Variants in FARP1 observed in about 807,000 individuals in gnomAD.
FARP1 encodes the protein FERM, ARH/RhoGEF and pleckstrin domain protein 1, also known as FERM, ARHGEF and pleckstrin domain-containing protein 1.
FARP1 carries 52 observed loss-of-function variants against 128.8 expected under a neutral mutation model. The ratio of observed to expected loss-of-function variants is 0.40; its 90% CI spans 0.32 to 0.51. The LOEUF (loss-of-function observed/expected upper bound fraction) is 0.51. Ranked by LOEUF, FARP1 falls within the 20% of genes least tolerant of loss-of-function variation. The pLI is 0.45. For missense variants in FARP1, 1,333 were observed against 1,367.9 expected, an observed-to-expected ratio of 0.97 and a Z score of 0.40; for synonymous variants, 580 against 551.8, an observed-to-expected ratio of 1.05 and a Z score of -0.72.
At chr13:98,390,652 C>G (rs1594479747) in intron 10 of FARP1, 160 bp from the exon 11 acceptor site, 1 of 571,910 alleles carries the variant, frequency 1.7e-6, no homozygotes, top group South Asian at 2.6e-5. Flanking sequence ...CCCAAAAATA[C>G]AGAGTCTGTC....
intron 2 of FARP1, among the ~76,000 whole-genome samples, chr13:98,307,079 C>A (rs1352119174): frequency 6.6e-6 from 1 of 152,186 alleles, no homozygotes; most frequent in Non-Finnish European, 1.5e-5. Flanking sequence ...GTACAAATGA[C>A]AGGACAGAGA....
At chr13:98,206,177 T>TTGTGTGTG (rs3138577) in intron 1 of FARP1, among the ~76,000 whole-genome samples, 5 of 146,462 alleles carry the variant, frequency 3.4e-5, no homozygotes, top group African/African-American at 1.3e-4. Context: ...TGACTTGAGG[T>TTGTGTGTG]TGTGTGTGTG....
rs544765500 is a variant in FARP1, at chr13:98,269,880, C to T, written c.171+56467C>T. Among the ~76,000 whole-genome samples the T allele has an allele frequency of 5.9e-5, 9 of 152,226 alleles. No homozygotes were observed. In the South Asian group the frequency reaches 6.2e-4, roughly 11 times the overall value. On this transcript the variant is annotated intron_variant, in intron 2 of 26. Coordinates refer to ENST00000319562, the MANE Select transcript of FARP1 (RefSeq NM_005766.4). ...CCTGTAATTCCAGCACTTTGGAAGG[C>T]CGAGGTGGGTGGATCACTTTGAGTT...
At chr13:98,212,211 A>G (rs369348383) in intron 1 of FARP1, among the ~76,000 whole-genome samples, 1 of 152,144 alleles carries the variant, frequency 6.6e-6, no homozygotes, top group Non-Finnish European at 1.5e-5. Flanking sequence ...ACATGCCACC[A>G]CACCTGGCTA....
chr13:98,334,911 C>T (rs1352962358), intron 2 of FARP1, among the ~76,000 whole-genome samples: 2 of 152,182 alleles, frequency 1.3e-5, no homozygotes, highest in Non-Finnish European at 2.9e-5. Context: ...GTGAAAACAT[C>T]AATTTCTATT....
At chr13:98,344,087 A>G (rs1235067155) in intron 3 of FARP1, among the ~76,000 whole-genome samples, 1 of 152,232 alleles carries the variant, frequency 6.6e-6, no homozygotes, top group Non-Finnish European at 1.5e-5. Context: ...AGGGCTATGT[A>G]TCGGCCCTCA....
chr13:98,277,762 G>A (rs1246261208), intron 2 of FARP1, among the ~76,000 whole-genome samples: 2 of 152,190 alleles, frequency 1.3e-5, no homozygotes, highest in Non-Finnish European at 2.9e-5. Context: ...AGTTCATTGA[G>A]AGCACTGGTT....
intron 2 of FARP1, among the ~76,000 whole-genome samples, chr13:98,339,646 A>G (rs1439978783): frequency 6.6e-6 from 1 of 152,214 alleles, no homozygotes; most frequent in Admixed American, 6.5e-5. Flanking sequence ...ATGGACATCT[A>G]TTTTACAGAT....
chr13:98,290,821 C>T (rs1885415464), intron 2 of FARP1, among the ~76,000 whole-genome samples: 2 of 152,082 alleles, frequency 1.3e-5, no homozygotes, highest in South Asian at 2.1e-4. Context: ...ATGGATGACT[C>T]CAAGGTTTTT....
intron 2 of FARP1, among the ~76,000 whole-genome samples, chr13:98,276,924 T>G (rs1884681476): frequency 6.6e-6 from 1 of 152,192 alleles, no homozygotes; most frequent in Non-Finnish European, 1.5e-5. Flanking sequence ...GCTGTTCATA[T>G]ACAGGATTAT....
intron 15 of FARP1, among the ~76,000 whole-genome samples, chr13:98,411,429 C>T (rs1472098858): frequency 6.6e-6 from 1 of 152,130 alleles, no homozygotes; most frequent in Non-Finnish European, 1.5e-5. Context: ...CGTTGTGAAC[C>T]CAGCTCACCT....
At chr13:98,238,258 C>G (rs1882552102) in intron 2 of FARP1, among the ~76,000 whole-genome samples, 1 of 152,182 alleles carries the variant, frequency 6.6e-6, no homozygotes, top group African/African-American at 2.4e-5. Context: ...CTTGAGACAG[C>G]AAGACCAACC....
intron 19 of FARP1, among the ~76,000 whole-genome samples, chr13:98,437,449 G>C (rs1252173303): frequency 6.7e-6 from 1 of 148,182 alleles, no homozygotes; most frequent in African/African-American, 2.6e-5. Context: ...TCGAGAAGTA[G>C]GAAAATACAT....
chr13:98,386,195 T>C (rs1566942033), intron 8 of FARP1, among the ~76,000 whole-genome samples: 1 of 151,328 alleles, frequency 6.6e-6, no homozygotes, highest in African/African-American at 2.4e-5. Flanking sequence ...TCCTTTTTTT[T>C]TTTTTTTTTT....
At chr13:98,380,578 C>G (rs1255035101) in intron 6 of FARP1, among the ~76,000 whole-genome samples, 1 of 151,674 alleles carries the variant, frequency 6.6e-6, no homozygotes, top group Non-Finnish European at 1.5e-5. Flanking sequence ...ATAAATATAT[C>G]CCCCCCAAAA....
At chr13:98,436,993 G>A (rs189366789) in intron 19 of FARP1, among the ~76,000 whole-genome samples, 7 of 152,298 alleles carry the variant, frequency 4.6e-5, no homozygotes, top group Admixed American at 6.5e-5. Flanking sequence ...TCAAAGTCTC[G>A]CTCTACCAGT....
chr13:98,303,957 A>G (rs926330809), intron 2 of FARP1, among the ~76,000 whole-genome samples: 1 of 152,184 alleles, frequency 6.6e-6, no homozygotes, highest in African/African-American at 2.4e-5. Flanking sequence ...TTCACTCGTT[A>G]CTTGACCGAA....
intron 1 of FARP1, among the ~76,000 whole-genome samples, chr13:98,152,655 G>A (rs1172377095): frequency 1.1e-4 from 16 of 152,212 alleles, no homozygotes; most frequent in Admixed American, 7.2e-4. Flanking sequence ...TGGGGTTTTC[G>A]GTTATTGCCA....
At chr13:98,436,325 A>T (rs773586101) in intron 19 of FARP1, among the ~76,000 whole-genome samples, 1 of 152,154 alleles carries the variant, frequency 6.6e-6, no homozygotes, top group African/African-American at 2.4e-5. Flanking sequence ...GACAATGTGG[A>T]GGACAGGAAC....
Sources: allele counts gnomAD v4.1 joint callset (sites outside exome capture counted in the v4.1 genomes callset), GRCh38; gene constraint gnomAD v4.1.1; transcripts MANE v1.5; gene names NCBI Gene and HGNC (gene_info 2026-07-23, HGNC 2026-07-21).